ENTREP2: variants seen among roughly 807,000 people sequenced by gnomAD.
ENTREP2 encodes endosomal transmembrane epsin interactor 2, also known as protein ENTREP2.
At chr15:29,394,825 C>T in the ENTREP2 span, among the ~76,000 whole-genome samples, 1 of 148,048 alleles carries the variant, frequency 6.8e-6, no homozygotes, top group East Asian at 2.0e-4. Flanking sequence ...TGACAGGCTT[C>T]TATCACTTAG....
the ENTREP2 span, among the ~76,000 whole-genome samples, chr15:29,206,396 C>T: frequency 6.6e-6 from 1 of 152,102 alleles, no homozygotes. Context: ...GGGTGGGGGA[C>T]ACAAACATTC....
the ENTREP2 span, among the ~76,000 whole-genome samples, chr15:29,597,555 C>A: frequency 7.1e-6 from 1 of 141,060 alleles, no homozygotes; most frequent in Non-Finnish European, 1.5e-5. Flanking sequence ...GCAACAAGAG[C>A]GAAACTCTGT....
the ENTREP2 span, among the ~76,000 whole-genome samples, chr15:29,378,013 T>G: frequency 6.6e-6 from 1 of 151,326 alleles, no homozygotes; most frequent in Non-Finnish European, 1.5e-5. Flanking sequence ...AAGATGAGGT[T>G]GAAGGAATGT....
At chr15:29,124,149 G>A in the ENTREP2 span, among the ~76,000 whole-genome samples, 1 of 152,312 alleles carries the variant, frequency 6.6e-6, no homozygotes, top group East Asian at 1.9e-4. Context: ...TGCCTGCCAG[G>A]CCAGAGGCTG....
chr15:29,195,132 G>A, the ENTREP2 span: 281 of 985,334 alleles, frequency 2.9e-4, 1 homozygote, highest in African/African-American at 4.7e-3. Flanking sequence ...GATGGGATGG[G>A]CCCTGGAGTG....
the ENTREP2 span, chr15:29,267,988 T>G: frequency 6.6e-6 from 1 of 152,182 alleles, no homozygotes; most frequent in South Asian, 2.1e-4. Context: ...AGATCCACAG[T>G]GAGAAATATA....
chr15:29,300,018 T>C, the ENTREP2 span, among the ~76,000 whole-genome samples: 2 of 150,092 alleles, frequency 1.3e-5, no homozygotes, highest in Admixed American at 1.3e-4. Flanking sequence ...GATGTGTGGA[T>C]GGATGTATGG....
the ENTREP2 span, among the ~76,000 whole-genome samples, chr15:29,598,667 G>A: frequency 6.6e-6 from 1 of 151,556 alleles, no homozygotes; most frequent in African/African-American, 2.4e-5. Flanking sequence ...ATCCATTGTT[G>A]AAGTGACCTA....
chr15:29,389,287 C>T, the ENTREP2 span, among the ~76,000 whole-genome samples: 2 of 152,140 alleles, frequency 1.3e-5, no homozygotes, highest in South Asian at 4.1e-4. Flanking sequence ...CTAGTCTATG[C>T]TATTTCGTTA....
the ENTREP2 span, among the ~76,000 whole-genome samples, chr15:29,362,365 ATCTT>A: frequency 7.4e-6 from 1 of 135,116 alleles, no homozygotes; most frequent in Non-Finnish European, 1.6e-5. Context: ...CTTGTTTTTA[ATCTT>A]TTTTTTTTTT....
the ENTREP2 span, among the ~76,000 whole-genome samples, chr15:29,544,903 G>C: frequency 6.6e-6 from 1 of 152,142 alleles, no homozygotes; most frequent in Non-Finnish European, 1.5e-5. Context: ...AGGCATAAAG[G>C]GTTCCTAGTG....
chr15:29,435,281 G>T, the ENTREP2 span, among the ~76,000 whole-genome samples: 1 of 152,142 alleles, frequency 6.6e-6, no homozygotes, highest in Non-Finnish European at 1.5e-5. Context: ...TGGCTCCGGG[G>T]TGGGAGCAGT....
At chr15:29,595,559 G>A in the ENTREP2 span, among the ~76,000 whole-genome samples, 83 of 152,216 alleles carry the variant, frequency 5.5e-4, 1 homozygote, top group Non-Finnish European at 1.0e-3. Flanking sequence ...ACAGCTCCTC[G>A]TGGTGTGTCA....
the ENTREP2 span, among the ~76,000 whole-genome samples, chr15:29,566,399 C>T: frequency 1.3e-5 from 2 of 151,964 alleles, no homozygotes; most frequent in Admixed American, 6.6e-5. Context: ...CTCCTGACCT[C>T]GTGATCCACC....
chr15:29,485,902 C>G, the ENTREP2 span, among the ~76,000 whole-genome samples: 2 of 152,160 alleles, frequency 1.3e-5, no homozygotes, highest in South Asian at 4.1e-4. Context: ...CTCTTATACA[C>G]TGTTGGTGAG....
the ENTREP2 span, among the ~76,000 whole-genome samples, chr15:29,579,446 ATTTCTCT>A: frequency 2.0e-5 from 3 of 150,740 alleles, no homozygotes; most frequent in African/African-American, 4.9e-5. Flanking sequence ...AGCAAAATCC[ATTTCTCT>A]CTTCACTCTC....
chr15:29,265,997 G>A, the ENTREP2 span: 1 of 152,152 alleles, frequency 6.6e-6, no homozygotes, highest in Non-Finnish European at 1.5e-5. Flanking sequence ...ACTAATGATC[G>A]TAACACATTT....
chr15:29,255,208 T>G, the ENTREP2 span, among the ~76,000 whole-genome samples: 2 of 152,222 alleles, frequency 1.3e-5, no homozygotes, highest in African/African-American at 4.8e-5. Flanking sequence ...GATACCATAA[T>G]TTTTGTGCTA....
the ENTREP2 span, among the ~76,000 whole-genome samples, chr15:29,652,681 C>T: frequency 1.3e-5 from 2 of 152,242 alleles, no homozygotes; most frequent in African/African-American, 2.4e-5. Context: ...GGTGTGCCTC[C>T]TCCAGCTGCA....
Sources: allele counts gnomAD v4.1 joint callset (sites outside exome capture counted in the v4.1 genomes callset), GRCh38; gene constraint gnomAD v4.1.1; transcripts MANE v1.5; gene names NCBI Gene and HGNC (gene_info 2026-07-23, HGNC 2026-07-21).